Variants in CSMD1 observed in about 807,000 individuals in gnomAD.
CSMD1 encodes the protein CUB and Sushi multiple domains 1.
Under a neutral mutation model 417.5 loss-of-function variants are expected in CSMD1, and 213 were observed. The observed-to-expected ratio is 0.51, with a 90% confidence interval of 0.46 to 0.57. The LOEUF (loss-of-function observed/expected upper bound fraction) is 0.57. Ranked by LOEUF, CSMD1 falls within the 20% of genes least tolerant of loss-of-function variation. The probability of loss-of-function intolerance (pLI) is 0.00; values close to 1 mark genes in which losing one functional copy is unlikely to be tolerated. For synonymous variants in CSMD1, 2,862 were observed against 1,736.8 expected, an observed-to-expected ratio of 1.65 and a Z score of -16.11; for missense variants, 6,923 against 4,529.7, an observed-to-expected ratio of 1.53 and a Z score of -15.17.
intron 12 of CSMD1, among the ~76,000 whole-genome samples, chr8:3,412,441 T>G (rs1430806835): frequency 6.6e-6 from 1 of 152,156 alleles, no homozygotes; most frequent in Non-Finnish European, 1.5e-5. Context: ...GTTCAGAGGT[T>G]GATCCAGAGA....
intron 5 of CSMD1, among the ~76,000 whole-genome samples, chr8:3,849,786 T>C (rs947465065): frequency 6.6e-6 from 1 of 151,824 alleles, no homozygotes; most frequent in African/African-American, 2.4e-5. Flanking sequence ...TTTTTAAAGA[T>C]GATATTGTGA....
At chr8:4,817,538 G>C (rs73181539) in intron 1 of CSMD1, among the ~76,000 whole-genome samples, 1 of 152,132 alleles carries the variant, frequency 6.6e-6, no homozygotes, top group Admixed American at 6.5e-5. Context: ...AGACACTACT[G>C]CATGGTTTCC....
intron 8 of CSMD1, among the ~76,000 whole-genome samples, chr8:3,604,373 G>A (rs1801504191): frequency 1.3e-5 from 2 of 152,122 alleles, no homozygotes; most frequent in African/African-American, 4.8e-5. Context: ...ATGGGGTGAT[G>A]CTCCGAATCT....
intron 12 of CSMD1, among the ~76,000 whole-genome samples, chr8:3,459,380 G>C (rs1052166844): frequency 1.3e-5 from 2 of 152,132 alleles, no homozygotes; most frequent in African/African-American, 4.8e-5. Flanking sequence ...TCGCACGGTG[G>C]ATCCTTCTCA....
At chr8:3,677,082 G>A (rs957517611) in intron 7 of CSMD1, among the ~76,000 whole-genome samples, 1 of 152,060 alleles carries the variant, frequency 6.6e-6, no homozygotes, top group Non-Finnish European at 1.5e-5. Flanking sequence ...ACATTGGGTA[G>A]ATAGGTGCAA....
chr8:4,174,021 C>G (rs1012798728), intron 3 of CSMD1, among the ~76,000 whole-genome samples: 4 of 152,102 alleles, frequency 2.6e-5, no homozygotes, highest in African/African-American at 9.7e-5. Flanking sequence ...TCACCATGGC[C>G]AAGGGAATGC....
intron 1 of CSMD1, among the ~76,000 whole-genome samples, chr8:4,691,758 C>G (rs1235422928): frequency 1.3e-5 from 2 of 152,208 alleles, no homozygotes; most frequent in African/African-American, 4.8e-5. Context: ...AGCTATCTAG[C>G]CCAGCAGTGG....
intron 1 of CSMD1, among the ~76,000 whole-genome samples, chr8:4,744,635 C>T (rs1289369770): frequency 6.6e-6 from 1 of 152,122 alleles, no homozygotes; most frequent in Admixed American, 6.5e-5. Context: ...GCAACTCTAA[C>T]AATATTATTC....
intron 5 of CSMD1, among the ~76,000 whole-genome samples, chr8:3,857,699 C>T (rs1218763791): frequency 6.6e-6 from 1 of 152,184 alleles, no homozygotes; most frequent in Non-Finnish European, 1.5e-5. Flanking sequence ...TCATAATCTT[C>T]AAATACCAGG....
intron 50 of CSMD1, among the ~76,000 whole-genome samples, chr8:3,040,468 CTA>C (rs1205468359): frequency 6.1e-5 from 9 of 146,348 alleles, no homozygotes; most frequent in Non-Finnish European, 1.0e-4. Context: ...ATCTATCTAT[CTA>C]TATATATAAA....
intron 26 of CSMD1, among the ~76,000 whole-genome samples, chr8:3,238,078 G>T (rs953154863): frequency 1.3e-5 from 2 of 152,026 alleles, no homozygotes; most frequent in East Asian, 3.9e-4. Flanking sequence ...GACGGGCTGA[G>T]TCCGAAAAGA....
At position 4,140,304 on chromosome 8, in the gene CSMD1, C is replaced by G. The variant is rs977733932; in HGVS notation, c.416-108205G>C. Among the ~76,000 whole-genome samples, 6 of 150,900 alleles carry G rather than the reference C, an allele frequency of 4.0e-5. No homozygotes were observed. The South Asian group carries it at 1.0e-3, about 26-fold the overall frequency. On this transcript the variant is annotated intron_variant, in intron 3 of 69. Coordinates refer to ENST00000635120, the MANE Select transcript of CSMD1 (RefSeq NM_033225.6). ...TTGAGGTCAGGAGTTTGAGACCAGC[C>G]TGACAAACATGGTGAAATCCCATCT...
At chr8:3,851,845 G>C (rs1803930865) in intron 5 of CSMD1, among the ~76,000 whole-genome samples, 1 of 152,134 alleles carries the variant, frequency 6.6e-6, no homozygotes, top group Non-Finnish European at 1.5e-5. Context: ...AGGAGGGTCG[G>C]GTGGGAGCAG....
intron 1 of CSMD1, among the ~76,000 whole-genome samples, chr8:4,864,719 T>A (rs764694024): frequency 2.5e-4 from 38 of 151,946 alleles, no homozygotes; most frequent in Middle Eastern, 3.4e-3. Flanking sequence ...CTTTGAATTT[T>A]AAAAAATTCG....
At chr8:4,773,701 G>T (rs1190053863) in intron 1 of CSMD1, among the ~76,000 whole-genome samples, 1 of 152,082 alleles carries the variant, frequency 6.6e-6, no homozygotes, top group Non-Finnish European at 1.5e-5. Context: ...CCACGCTAGT[G>T]TATAAGCACC....
chr8:3,244,254 A>T (rs750544174), intron 26 of CSMD1, among the ~76,000 whole-genome samples: 1 of 152,066 alleles, frequency 6.6e-6, no homozygotes, highest in Non-Finnish European at 1.5e-5. Flanking sequence ...CTTTTCCTGT[A>T]TTTTGGAGGG....
At chr8:4,451,527 G>C (rs974802368) in intron 2 of CSMD1, among the ~76,000 whole-genome samples, 12 of 152,040 alleles carry the variant, frequency 7.9e-5, no homozygotes, top group African/African-American at 1.2e-4. Flanking sequence ...AAAAATTCCA[G>C]AGACAGTGAC....
At chr8:4,918,471 T>C (rs910461845) in intron 1 of CSMD1, among the ~76,000 whole-genome samples, 3 of 152,156 alleles carry the variant, frequency 2.0e-5, no homozygotes, top group African/African-American at 7.2e-5. Flanking sequence ...ATTTTCTAAC[T>C]TTCTGCACAA....
intron 49 of CSMD1, among the ~76,000 whole-genome samples, chr8:3,068,671 T>A (rs6558708): frequency 3.9e-5 from 6 of 151,904 alleles, no homozygotes; most frequent in Non-Finnish European, 7.4e-5. Flanking sequence ...GGGAGCAGGC[T>A]TCTCACACGG....
Sources: gnomAD v4.1 joint callset for allele counts (sites outside exome capture counted in the v4.1 genomes callset) on GRCh38, gnomAD v4.1.1 for gene constraint, MANE v1.5 for transcripts, NCBI Gene and HGNC (gene_info 2026-07-23, HGNC 2026-07-21) for gene names.